CECR2: variants seen among roughly 807,000 people sequenced by gnomAD.
CECR2 encodes the protein CECR2 histone acetyl-lysine reader.
Under a neutral mutation model 154.5 loss-of-function variants are expected in CECR2, and 30 were observed. The ratio of observed to expected loss-of-function variants is 0.19; its 90% CI spans 0.15 to 0.26. The LOEUF (loss-of-function observed/expected upper bound fraction) is 0.26. Among genes scored for constraint, CECR2 ranks in the 10% least tolerant of loss-of-function variants. The pLI, the probability that CECR2 is intolerant of heterozygous loss-of-function variation, is 1.00. For missense variants in CECR2, 1,743 were observed against 1,829.3 expected (o/e 0.95, Z 0.86); for synonymous variants, 725 against 683.7 (o/e 1.06, Z -0.94).
intron 5 of CECR2, among the ~76,000 whole-genome samples, 171 bp downstream of exon 5, chr22:17,500,906 G>A (rs1363104053): frequency 6.6e-6 from 1 of 152,182 alleles, no homozygotes; most frequent in African/African-American, 2.4e-5. Flanking sequence ...AGCCCTTAGT[G>A]TGTGACATCT....
At chr22:17,538,119 A>T (rs1324248342) in intron 10 of CECR2, among the ~76,000 whole-genome samples, 2 of 152,198 alleles carry the variant, frequency 1.3e-5, no homozygotes, top group African/African-American at 4.8e-5. Context: ...TCAGGAGGCT[A>T]AGGTGACAGG....
At chr22:17,392,897 A>G (rs1027025209) in intron 1 of CECR2, among the ~76,000 whole-genome samples, 1 of 151,860 alleles carries the variant, frequency 6.6e-6, no homozygotes, top group African/African-American at 2.4e-5. Flanking sequence ...AAAATTAGCC[A>G]GGTGTGGTGA....
intron 2 of CECR2, among the ~76,000 whole-genome samples, chr22:17,491,096 A>G (rs530244716): frequency 1.3e-5 from 2 of 152,284 alleles, no homozygotes; most frequent in East Asian, 3.9e-4. Context: ...CATTGTGTGG[A>G]TACACACTTA....
At chr22:17,437,499 A>G (rs1474074600) in intron 1 of CECR2, among the ~76,000 whole-genome samples, 1 of 152,032 alleles carries the variant, frequency 6.6e-6, no homozygotes, top group Non-Finnish European at 1.5e-5. Flanking sequence ...TGGAACTCAC[A>G]TACGTACACT....
intron 1 of CECR2, among the ~76,000 whole-genome samples, chr22:17,394,113 C>T (rs1601278764): frequency 1.3e-5 from 2 of 151,604 alleles, no homozygotes; most frequent in South Asian, 2.1e-4. Context: ...TCTTGAACTC[C>T]CGACCTCAGG....
intron 3 of CECR2, 47 bp from the exon 4 acceptor site, chr22:17,499,363 C>T (rs766816411): frequency 3.8e-6 from 6 of 1,572,816 alleles, no homozygotes; most frequent in Middle Eastern, 1.7e-4. Context: ...TTTCCTGGTG[C>T]GTTTTGTTCC....
intron 1 of CECR2, among the ~76,000 whole-genome samples, chr22:17,440,888 G>T (rs2146666193): frequency 7.0e-6 from 1 of 142,834 alleles, no homozygotes; most frequent in Non-Finnish European, 1.5e-5. Flanking sequence ...ATCTGTTGAT[G>T]ATTATATTTC....
At chr22:17,470,595 A>G (rs961247535) in intron 1 of CECR2, among the ~76,000 whole-genome samples, 5 of 152,102 alleles carry the variant, frequency 3.3e-5, no homozygotes, top group African/African-American at 1.2e-4. Flanking sequence ...TTTATCCGTT[A>G]AAGATACTAT....
At chr22:17,473,954 G>A (rs886327040) in intron 1 of CECR2, among the ~76,000 whole-genome samples, 2 of 152,090 alleles carry the variant, frequency 1.3e-5, no homozygotes, top group African/African-American at 4.8e-5. Context: ...TCTTTCCTTG[G>A]CTGTTTTGAT....
In CECR2 at chr22:17,548,202, G is replaced by C; in HGVS notation, c.2915G>C (p.Gly972Ala). 1.3e-6 allele frequency: 2 copies of C among 1,590,858 alleles called. No homozygotes were observed. The highest frequency in any genetic ancestry group is 1.7e-6 in the Non-Finnish European group (2 of 1,168,618). The change falls in exon 17 of 19, where the codon GGG becomes GCG. Residue 972 changes from glycine to alanine, a missense_variant. This residue lies in a region of CECR2 where 1,250 missense variants were observed against 1,192.1 expected (regional missense o/e 1.05). Transcript: ENST00000262608. ...EKPPGVGTSE[G>A]VYLTQLPHPT... Reference sequence around the variant, plus strand: ...CCACCAGGTGTTGGTACTTCAGAGGGGGTCTACCTCACACAACTACCTCAC... The same window carrying C: ...CCACCAGGTGTTGGTACTTCAGAGGCGGTCTACCTCACACAACTACCTCAC...
At chr22:17,488,659 A>T (rs1246420327) in intron 2 of CECR2, among the ~76,000 whole-genome samples, 1 of 152,088 alleles carries the variant, frequency 6.6e-6, no homozygotes, top group Non-Finnish European at 1.5e-5. Flanking sequence ...GGGGTGGGGG[A>T]CTAAATTGTA....
At chr22:17,381,824 A>G (rs764690380) in intron 1 of CECR2, among the ~76,000 whole-genome samples, 8 of 152,076 alleles carry the variant, frequency 5.3e-5, no homozygotes, top group Non-Finnish European at 1.2e-4. Flanking sequence ...AGGAAGCATC[A>G]TGCTTCTGGG....
chr22:17,366,571 G>A (rs1569033749), upstream of CECR2, among the ~76,000 whole-genome samples: 1 of 152,118 alleles, frequency 6.6e-6, no homozygotes, highest in South Asian at 2.1e-4. Flanking sequence ...ATAGCACTCC[G>A]AATCAAAGGG....
chr22:17,546,682 G>GATCTCTA (rs2056619297), intron 16 of CECR2, among the ~76,000 whole-genome samples: 1 of 152,012 alleles, frequency 6.6e-6, no homozygotes, highest in African/African-American at 2.4e-5. Context: ...TTGTGCTTCA[G>GATCTCTA]ATCTGTTACC....
At chr22:17,510,688 G>A (rs5992725) in intron 7 of CECR2, among the ~76,000 whole-genome samples, 19,929 of 152,004 alleles carry the variant, frequency 0.13, 2,640 homozygotes, top group African/African-American at 0.34. Flanking sequence ...TGCAAGCTCC[G>A]CCTGCCAGGT....
chr22:17,493,076 AT>A (rs2055559789), intron 2 of CECR2, among the ~76,000 whole-genome samples: 1 of 151,968 alleles, frequency 6.6e-6, no homozygotes. Flanking sequence ...AGTTCAAGTG[AT>A]TCTCCTGCCT....
chr22:17,369,101 C>A (rs1253033478), upstream of CECR2, among the ~76,000 whole-genome samples: 1 of 152,138 alleles, frequency 6.6e-6, no homozygotes, highest in African/African-American at 2.4e-5. Context: ...GTCTCTAGCC[C>A]GACCGAAAGG....
At chr22:17,526,281 A>G (rs141894961) in intron 9 of CECR2, among the ~76,000 whole-genome samples, 11 of 152,334 alleles carry the variant, frequency 7.2e-5, no homozygotes, top group Non-Finnish European at 1.5e-4. Flanking sequence ...CCAAAACAAT[A>G]TGGGGATCTG....
chr22:17,533,323 C>CA (rs142402299), intron 9 of CECR2, among the ~76,000 whole-genome samples: 1,112 of 97,010 alleles, frequency 0.011, 12 homozygotes, highest in African/African-American at 0.033. Context: ...ACTCTATCTC[C>CA]AAAAAAAAAA....
Sources: allele counts gnomAD v4.1 joint callset (sites outside exome capture counted in the v4.1 genomes callset), GRCh38; gene constraint gnomAD v4.1.1; regional missense constraint gnomAD v4.1.1; transcripts MANE v1.5; gene names NCBI Gene and HGNC (gene_info 2026-07-23, HGNC 2026-07-21).